CCDC178: variants seen among roughly 807,000 people sequenced by gnomAD.
The protein encoded by CCDC178 is coiled-coil domain containing 178.
In CCDC178, 126 loss-of-function variants were observed where a neutral mutation model predicts 117.4. The ratio of observed to expected loss-of-function variants is 1.07; its 90% CI spans 0.93 to 1.24. The LOEUF (loss-of-function observed/expected upper bound fraction) is 1.24, where lower values mean the gene tolerates loss of function less well. CCDC178 is among the 50% of genes most tolerant of loss of function. The pLI is 0.00. For missense variants in CCDC178, 1,030 were observed against 986.9 expected (o/e 1.04, Z -0.59); for synonymous variants, 283 against 313.4 (o/e 0.90, Z 1.02).
At chr18:33,320,434 T>C (rs1310327766) in intron 11 of CCDC178, among the ~76,000 whole-genome samples, 1 of 152,104 alleles carries the variant, frequency 6.6e-6, no homozygotes, top group African/African-American at 2.4e-5. Flanking sequence ...TCACAAGCAT[T>C]CTTATACACC....
intron 15 of CCDC178, among the ~76,000 whole-genome samples, chr18:33,237,398 A>C (rs1314270985): frequency 6.6e-6 from 1 of 152,146 alleles, no homozygotes; most frequent in Non-Finnish European, 1.5e-5. Context: ...CGAGCCAATA[A>C]ACAGCTGGTC....
intron 22 of CCDC178, among the ~76,000 whole-genome samples, chr18:32,946,108 T>C (rs1203893767): frequency 6.6e-6 from 1 of 152,198 alleles, no homozygotes; most frequent in Non-Finnish European, 1.5e-5. Flanking sequence ...TACAGCCTTG[T>C]TCCTCACACC....
chr18:33,405,827 T>C (rs879311281), intron 3 of CCDC178, among the ~76,000 whole-genome samples: 2 of 152,072 alleles, frequency 1.3e-5, no homozygotes, highest in African/African-American at 2.4e-5. Flanking sequence ...GGAAGGCTTA[T>C]GTACTTATGC....
rs577356794 is a variant in CCDC178 at position 33,027,659 on chromosome 18, G to A, written c.2389-52978C>T. Among the ~76,000 whole-genome samples the A allele has an allele frequency of 8.6e-5, 13 of 151,628 alleles. No homozygotes were observed. The South Asian group carries it at 1.9e-3, about 22-fold the overall frequency. On this transcript the variant is annotated intron_variant, in intron 21 of 22. Transcript: ENST00000383096. ...ATTTTATATTGAAAAAGTACACCTG[G>A]AAGATATATCAATTCTAGTTAAGTG... is the stretch of plus-strand genomic sequence containing the variant.
In CCDC178 at chr18:32,972,930, G is replaced by A. The variant is rs558098477; in HGVS notation, c.2523+1617C>T. ...AATGGAAGCCATCTCCAATAGATAA[G>A]AAAATGAGGCACTAATTTATGCTGC... On this transcript the variant is annotated intron_variant, in intron 22 of 22. Coordinates refer to ENST00000383096, the MANE Select transcript of CCDC178 (RefSeq NM_001105528.4). 5.3e-5 allele frequency among the ~76,000 whole-genome samples: 8 copies of A among 152,114 alleles called. No homozygotes were observed. The South Asian group carries it at 1.4e-3, about 28-fold the overall frequency.
At chr18:33,260,360 T>A (rs1055247265) in intron 14 of CCDC178, among the ~76,000 whole-genome samples, 4 of 152,048 alleles carry the variant, frequency 2.6e-5, no homozygotes, top group Admixed American at 2.0e-4. Flanking sequence ...TTGTTTATCC[T>A]CTTTTGTGAA....
intron 14 of CCDC178, among the ~76,000 whole-genome samples, chr18:33,250,348 T>C (rs1015674331): frequency 2.6e-5 from 4 of 151,750 alleles, no homozygotes; most frequent in Non-Finnish European, 5.9e-5. Context: ...TTAAAATGTC[T>C]AGAATTATCT....
At chr18:32,999,173 T>C (rs2055579215) in intron 21 of CCDC178, among the ~76,000 whole-genome samples, 1 of 152,078 alleles carries the variant, frequency 6.6e-6, no homozygotes, top group Admixed American at 6.5e-5. Context: ...CCTTGGGCCT[T>C]GAGTGAAGAC....
intron 19 of CCDC178, among the ~76,000 whole-genome samples, chr18:33,215,009 G>A (rs1001784124): frequency 1.3e-5 from 2 of 151,904 alleles, no homozygotes; most frequent in African/African-American, 4.8e-5. Flanking sequence ...TAAGTTTTAG[G>A]TTAGGGTCTA....
chr18:33,333,425 AT>A (rs777535914), intron 9 of CCDC178, 31 bp from the exon 10 acceptor site: 1 of 1,113,918 alleles, frequency 9.0e-7, no homozygotes. Context: ...ACAAAAGAAA[AT>A]CTGATTGGAG....
intron 21 of CCDC178, among the ~76,000 whole-genome samples, chr18:33,033,023 CCT>C (rs977963374): frequency 6.6e-6 from 1 of 151,950 alleles, no homozygotes; most frequent in African/African-American, 2.4e-5. Context: ...CTGTTTGCTC[CCT>C]GTTACTCTTC....
chr18:33,432,627 A>T lies in CCDC178; in HGVS notation c.-23+7335T>A, dbSNP rs17752914. Among the ~76,000 whole-genome samples, 210 of 152,266 alleles carry T rather than the reference A, an allele frequency of 1.4e-3. 3 individuals carry two copies. In the East Asian group the frequency reaches 0.034, roughly 25 times the overall value. On this transcript the variant is annotated intron_variant, in intron 2 of 22. Transcript: ENST00000383096. ...TAGCAAAGAAACACATCTCTTTGAGAAACACATCCAGTAACTTATCTAAAG... is the reference window on the plus strand; with the variant it reads ...TAGCAAAGAAACACATCTCTTTGAGTAACACATCCAGTAACTTATCTAAAG...
intron 22 of CCDC178, among the ~76,000 whole-genome samples, chr18:32,958,429 T>A (rs1427267219): frequency 6.6e-6 from 1 of 152,186 alleles, no homozygotes; most frequent in Non-Finnish European, 1.5e-5. Context: ...TTTGTAACCA[T>A]GGTTAGCATT....
intron 21 of CCDC178, among the ~76,000 whole-genome samples, chr18:33,054,096 G>A (rs771572196): frequency 1.3e-5 from 2 of 151,820 alleles, no homozygotes; most frequent in Non-Finnish European, 2.9e-5. Flanking sequence ...CTCTATCCCC[G>A]TGAAAATACA....
At chr18:33,058,822 C>T (rs545305238) in intron 21 of CCDC178, among the ~76,000 whole-genome samples, 16 of 152,062 alleles carry the variant, frequency 1.1e-4, no homozygotes, top group African/African-American at 3.9e-4. Context: ...AGTGTTTTAC[C>T]TTGCTGTTCT....
At chr18:33,371,705 T>C (rs2063302258) in intron 5 of CCDC178, among the ~76,000 whole-genome samples, 1 of 151,756 alleles carries the variant, frequency 6.6e-6, no homozygotes, top group African/African-American at 2.4e-5. Flanking sequence ...GCTTTGACCA[T>C]ACTCTGAACA....
chr18:33,162,427 A>ATTACTTT (rs1397620054), intron 20 of CCDC178, among the ~76,000 whole-genome samples: 3 of 152,168 alleles, frequency 2.0e-5, no homozygotes, highest in African/African-American at 7.2e-5. Flanking sequence ...TTATGTTTTT[A>ATTACTTT]TTACTTTTTT....
chr18:33,333,670 G>A (rs2062703765), intron 9 of CCDC178, among the ~76,000 whole-genome samples: 1 of 151,738 alleles, frequency 6.6e-6, no homozygotes, highest in Non-Finnish European at 1.5e-5. Flanking sequence ...GTGCCACCAT[G>A]TCTGGCTAAT....
At chr18:33,094,454 A>G (rs1349420399) in intron 20 of CCDC178, among the ~76,000 whole-genome samples, 1 of 151,960 alleles carries the variant, frequency 6.6e-6, no homozygotes, top group East Asian at 1.9e-4. Flanking sequence ...TTAGAAAGGA[A>G]TAGGCATCAT....
Sources: gnomAD v4.1 joint callset for allele counts (sites outside exome capture counted in the v4.1 genomes callset) on GRCh38, gnomAD v4.1.1 for gene constraint, MANE v1.5 for transcripts, NCBI Gene and HGNC (gene_info 2026-07-23, HGNC 2026-07-21) for gene names.